Variants in CNTN5 observed in about 807,000 individuals in gnomAD.
The protein encoded by CNTN5 is contactin 5.
A neutral mutation model predicts 129.1 loss-of-function variants in CNTN5; 77 were observed. That is an observed-to-expected ratio of 0.60 (90% CI 0.50 to 0.72). The LOEUF is 0.72. CNTN5 is among the 30% of genes least tolerant of loss of function. CNTN5 has a pLI of 0.00. For synonymous variants in CNTN5, 509 were observed against 465.6 expected (o/e 1.09, Z -1.20); for missense variants, 1,478 against 1,328.8 (o/e 1.11, Z -1.75).
intron 17 of CNTN5, among the ~76,000 whole-genome samples, chr11:100,261,860 G>A (rs1214554043): frequency 1.3e-5 from 2 of 152,086 alleles, no homozygotes; most frequent in African/African-American, 2.4e-5. Context: ...AGAAAACCTA[G>A]GCAATACCAT....
intron 3 of CNTN5, among the ~76,000 whole-genome samples, chr11:99,590,030 T>C (rs186582209): frequency 6.6e-6 from 1 of 152,108 alleles, no homozygotes; most frequent in African/African-American, 2.4e-5. Context: ...GTATAGCCAG[T>C]CCTTGAGAGA....
At chr11:99,553,991 C>CAT (rs1243256830) in intron 2 of CNTN5, among the ~76,000 whole-genome samples, 13 of 101,206 alleles carry the variant, frequency 1.3e-4, no homozygotes, top group African/African-American at 2.9e-4. Context: ...CACACACACA[C>CAT]ACACATACAC....
At chr11:100,208,435 G>C (rs1234389702) in intron 15 of CNTN5, among the ~76,000 whole-genome samples, 1 of 152,106 alleles carries the variant, frequency 6.6e-6, no homozygotes, top group Non-Finnish European at 1.5e-5. Flanking sequence ...CATCCACCAG[G>C]CTAGCCCAGG....
chr11:99,527,558 C>A (rs990771680), intron 2 of CNTN5, among the ~76,000 whole-genome samples: 3 of 152,078 alleles, frequency 2.0e-5, no homozygotes, highest in African/African-American at 7.2e-5. Flanking sequence ...AATAGAGCAA[C>A]TTCTCCCTTT....
chr11:99,814,256 C>A (rs745971271), intron 3 of CNTN5, among the ~76,000 whole-genome samples: 2 of 152,022 alleles, frequency 1.3e-5, no homozygotes, highest in African/African-American at 4.8e-5. Context: ...TGAGTGTATG[C>A]GTGTACAGGC....
intron 1 of CNTN5, among the ~76,000 whole-genome samples, chr11:99,256,294 A>G (rs543250540): frequency 6.6e-6 from 1 of 152,186 alleles, no homozygotes; most frequent in African/African-American, 2.4e-5. Context: ...ATTTTTATAA[A>G]TAGAGACTTT....
intron 1 of CNTN5, among the ~76,000 whole-genome samples, chr11:99,032,195 T>C (rs1863424463): frequency 1.3e-5 from 2 of 152,130 alleles, no homozygotes; most frequent in South Asian, 4.1e-4. Flanking sequence ...GTTCCAACTC[T>C]TTGCTATTGT....
Position 99,802,310 on chromosome 11 carries a change from T to A in CNTN5, c.56-17234T>A, listed in dbSNP as rs76652907. 6.3e-3 allele frequency among the ~76,000 whole-genome samples: 953 copies of A among 152,290 alleles called. 10 individuals are homozygous for A. Among genetic ancestry groups the A allele is most frequent in the African/African-American group, 0.022 (895 of 41,576 alleles). The stretch of plus-strand genomic sequence containing the variant: ...AGATTGTCTCTGCTGCCTCAGGGAA[T>A]GAGCTGATTTGTGGAGTACACAGTT... On this transcript the variant is annotated intron_variant, in intron 3 of 24. Transcript: ENST00000524871.
intron 2 of CNTN5, among the ~76,000 whole-genome samples, chr11:99,350,294 A>G (rs1938205094): frequency 6.6e-6 from 1 of 152,192 alleles, no homozygotes; most frequent in Non-Finnish European, 1.5e-5. Context: ...AAATTTTTTT[A>G]AAGAATGAAA....
chr11:99,290,722 GC>G (rs1172429187), intron 1 of CNTN5, among the ~76,000 whole-genome samples: 1 of 151,750 alleles, frequency 6.6e-6, no homozygotes, highest in African/African-American at 2.4e-5. Flanking sequence ...TCATCAGTAA[GC>G]TTTCAGAGTC....
chr11:99,461,140 T>A (rs1944682363), intron 2 of CNTN5, among the ~76,000 whole-genome samples: 1 of 152,076 alleles, frequency 6.6e-6, no homozygotes, highest in South Asian at 2.1e-4. Context: ...TGGCTTTATT[T>A]ATAAAAATTA....
chr11:99,696,832 G>C (rs1036706962), intron 3 of CNTN5, among the ~76,000 whole-genome samples: 2 of 151,918 alleles, frequency 1.3e-5, no homozygotes, highest in African/African-American at 4.8e-5. Flanking sequence ...TTTTAGTTAA[G>C]TAAACCCACA....
At chr11:100,243,442 C>G (rs898621360) in intron 16 of CNTN5, among the ~76,000 whole-genome samples, 7 of 152,032 alleles carry the variant, frequency 4.6e-5, no homozygotes, top group African/African-American at 1.7e-4. Flanking sequence ...ACCTTGATCT[C>G]CACCTTGGGA....
chr11:100,143,167 T>C (rs972488997), intron 13 of CNTN5, among the ~76,000 whole-genome samples: 1 of 152,208 alleles, frequency 6.6e-6, no homozygotes, highest in African/African-American at 2.4e-5. Flanking sequence ...CAATGTAATA[T>C]GTATGAATCA....
At chr11:99,582,868 G>A (rs553852742) in intron 3 of CNTN5, among the ~76,000 whole-genome samples, 1 of 152,282 alleles carries the variant, frequency 6.6e-6, no homozygotes, top group African/African-American at 2.4e-5. Context: ...TGCTGGTGAG[G>A]AGCTGTGTTC....
At chr11:99,037,576 C>CTTTTTTTTTTT (rs1161467398) in intron 1 of CNTN5, among the ~76,000 whole-genome samples, 8 of 105,664 alleles carry the variant, frequency 7.6e-5, no homozygotes, top group East Asian at 2.7e-4. Flanking sequence ...TTTTTCTTTT[C>CTTTTTTTTTTT]TTTTTTTTTT....
At chr11:99,717,532 G>GT (rs1943018637) in intron 3 of CNTN5, among the ~76,000 whole-genome samples, 1 of 151,956 alleles carries the variant, frequency 6.6e-6, no homozygotes, top group African/African-American at 2.4e-5. Flanking sequence ...GTGTTTGCAT[G>GT]TGTGTGTGTT....
chr11:99,372,113 A>G (rs767717352), intron 2 of CNTN5, among the ~76,000 whole-genome samples: 2 of 152,258 alleles, frequency 1.3e-5, no homozygotes, highest in African/African-American at 2.4e-5. Flanking sequence ...CATGCTTATG[A>G]AAAACTAATC....
intron 1 of CNTN5, among the ~76,000 whole-genome samples, chr11:99,287,433 A>G (rs906627287): frequency 1.3e-5 from 2 of 152,048 alleles, no homozygotes; most frequent in Non-Finnish European, 2.9e-5. Context: ...ACTGTCTCCT[A>G]TTATTCAAAC....
Sources: allele counts gnomAD v4.1 joint callset (sites outside exome capture counted in the v4.1 genomes callset), GRCh38; gene constraint gnomAD v4.1.1; transcripts MANE v1.5; gene names NCBI Gene and HGNC (gene_info 2026-07-23, HGNC 2026-07-21).